The following FMO2 variants were observed in gnomAD, a reference collection of about 807,000 sequenced individuals.
FMO2 encodes the protein flavin containing dimethylaniline monoxygenase 2, also known as flavin-containing monooxygenase 2.
In FMO2, 33 loss-of-function variants were observed where a neutral mutation model predicts 41.6. The observed-to-expected ratio is 0.79, with a 90% CI of 0.60 to 1.06. The LOEUF (loss-of-function observed/expected upper bound fraction) is 1.06. FMO2 is among the 50% of genes least tolerant of loss of function. The probability of loss-of-function intolerance (pLI) is 0.00; values close to 1 mark genes in which losing one functional copy is unlikely to be tolerated. For missense variants in FMO2, 619 were observed against 632.9 expected, an observed-to-expected ratio of 0.98 and a Z score of 0.23; for synonymous variants, 214 against 219.6, an observed-to-expected ratio of 0.97 and a Z score of 0.23.
intron 2 of FMO2, among the ~76,000 whole-genome samples, chr1:171,191,566 A>T (rs1658083035): frequency 6.6e-6 from 1 of 152,160 alleles, no homozygotes; most frequent in East Asian, 1.9e-4. Context: ...CAATTGTTGC[A>T]TGTTTAAGTT....
chr1:171,190,963 TG>T (rs1165664844), intron 2 of FMO2, among the ~76,000 whole-genome samples: 1 of 151,990 alleles, frequency 6.6e-6, no homozygotes, highest in East Asian at 1.9e-4. Context: ...CTGACCAAAA[TG>T]GAGAAACCCC....
At chr1:171,201,932 T>C (rs1332770064) in intron 5 of FMO2, among the ~76,000 whole-genome samples, 5 of 152,308 alleles carry the variant, frequency 3.3e-5, no homozygotes, top group Admixed American at 1.3e-4. Context: ...TATCTCCACC[T>C]GGTCCTGCCC....
chr1:171,197,421 T>C (rs1022566294), intron 4 of FMO2, among the ~76,000 whole-genome samples: 4 of 152,136 alleles, frequency 2.6e-5, no homozygotes, highest in Non-Finnish European at 5.9e-5. Context: ...TCAAACACTA[T>C]GGAGTAGGGT....
chr1:171,199,253 C>A, intron 4 of FMO2, 93 bp from the exon 5 acceptor site: 2 of 1,270,800 alleles, frequency 1.6e-6, no homozygotes, highest in Non-Finnish European at 2.2e-6. Context: ...ATTATTAACT[C>A]CAGAAAGGAA....
chr1:171,199,674 C>T (rs1291133736), intron 5 of FMO2, among the ~76,000 whole-genome samples, 186 bp downstream of exon 5: 1 of 152,140 alleles, frequency 6.6e-6, no homozygotes, highest in African/African-American at 2.4e-5. Flanking sequence ...AATAACCAGC[C>T]ATGAATCCTA....
chr1:171,186,792 T>C (rs1406590719), intron 2 of FMO2, among the ~76,000 whole-genome samples: 1 of 152,186 alleles, frequency 6.6e-6, no homozygotes, highest in East Asian at 1.9e-4. Flanking sequence ...GTTACAATTA[T>C]TCCTTCCCAC....
At position 171,207,743 on chromosome 1, in the gene FMO2, A is replaced by T; in HGVS notation, c.1209A>T (p.Arg403Ser). 1 of 1,611,452 alleles carries T rather than the reference A, an allele frequency of 6.2e-7. No homozygotes were observed. The highest frequency in any genetic ancestry group is 1.1e-5 in the South Asian group (1 of 90,814). Residue 403 changes from arginine to serine, a missense_variant, in exon 8 of 9, where the codon AGA (arginine) becomes AGT (serine). Arg to Ser is a moderately radical substitution (Grantham distance 110, BLOSUM62 -1). Coordinates refer to ENST00000209929, the MANE Select transcript of FMO2 (RefSeq NM_001460.5). ...FKGLCSLPSE[R>S]TMMMDIIKRN... ...GCTTGTGTAGCCTGCCCTCAGAGAG[A>T]ACTATGATGATGGACATTATCAAAA...
intron 2 of FMO2, among the ~76,000 whole-genome samples, chr1:171,190,940 G>T (rs1658058725): frequency 6.6e-6 from 1 of 152,256 alleles, no homozygotes; most frequent in South Asian, 2.1e-4. Context: ...GAGGTCGGGA[G>T]TTCGAGACCA....
chr1:171,187,627 C>CAAAAA (rs765479366), intron 2 of FMO2, among the ~76,000 whole-genome samples: 1 of 82,612 alleles, frequency 1.2e-5, no homozygotes, highest in Non-Finnish European at 2.6e-5. Context: ...AACCTGCCAC[C>CAAAAA]AAAAAAAAAA....
At chr1:171,207,245 A>G (rs1488635817) in intron 7 of FMO2, among the ~76,000 whole-genome samples, 2 of 152,084 alleles carry the variant, frequency 1.3e-5, no homozygotes, top group South Asian at 4.2e-4. Flanking sequence ...CCCTACTCTC[A>G]TCTCTCACCA....
chr1:171,192,887 T>C (rs1319869733), intron 2 of FMO2, among the ~76,000 whole-genome samples: 2 of 151,952 alleles, frequency 1.3e-5, no homozygotes, highest in Non-Finnish European at 2.9e-5. Flanking sequence ...CCTCCAAAGG[T>C]ACTCATTTTA....
Position 171,199,387 on chromosome 1 carries a change from T to C in FMO2, c.526T>C (p.Tyr176His). ...FKGQYFHSRQ[Y>H]KHPDGFEGKR... Reference sequence around the variant, plus strand: ...AGGCCAATATTTCCATAGCCGCCAATACAAGCATCCAGATGGATTTGAGGG... The same window carrying C: ...AGGCCAATATTTCCATAGCCGCCAACACAAGCATCCAGATGGATTTGAGGG... Residue 176 changes from tyrosine (Y) to histidine (H), a missense_variant, in exon 5 of 9, where the codon TAC (tyrosine) becomes CAC (histidine). Transcript: ENST00000209929. The C allele has an allele frequency of 6.2e-7, 1 of 1,611,304 alleles. No homozygotes were observed. The highest frequency in any genetic ancestry group is 1.3e-5 in the African/African-American group (1 of 74,822).
intron 8 of FMO2, among the ~76,000 whole-genome samples, chr1:171,208,052 A>T (rs1658837332): frequency 6.6e-6 from 1 of 152,184 alleles, no homozygotes; most frequent in Admixed American, 6.5e-5. Context: ...CCTTGGCTTA[A>T]TTTCATTTCA....
In FMO2 at chr1:171,209,780, T is replaced by C. The variant is rs1231241302; in HGVS notation, c.*635T>C. Reference sequence around the variant, plus strand: ...ACTGCTGGAAAAATTAAAATTAAAATGCCATAATAGCTACCTAACAAATAT... The same window carrying C: ...ACTGCTGGAAAAATTAAAATTAAAACGCCATAATAGCTACCTAACAAATAT... On this transcript the variant is annotated 3_prime_UTR_variant, in exon 9 of 9. Coordinates refer to ENST00000209929, the MANE Select transcript of FMO2 (RefSeq NM_001460.5). The C allele has an allele frequency of 6.6e-6, 1 of 152,188 alleles. No homozygotes were observed. The highest frequency in any genetic ancestry group is 1.5e-5 in the Non-Finnish European group (1 of 68,022). 9.4% of individuals were successfully genotyped at this position (152,188 alleles called of 1,614,324 possible). A position where few individuals can be genotyped will look rare whatever the true frequency, so the allele number is the denominator to read the frequency against.
intron 5 of FMO2, among the ~76,000 whole-genome samples, chr1:171,202,185 A>C (rs1038083514): frequency 6.6e-6 from 1 of 152,192 alleles, no homozygotes; most frequent in Non-Finnish European, 1.5e-5. Flanking sequence ...AAAAGAGTGA[A>C]TCAAACGGGC....
intron 5 of FMO2, among the ~76,000 whole-genome samples, chr1:171,203,590 C>A (rs1396588180): frequency 6.6e-6 from 1 of 152,108 alleles, no homozygotes; most frequent in Non-Finnish European, 1.5e-5. Context: ...CAACTGTAAA[C>A]ATGGGAAAGA....
chr1:171,203,106 G>C (rs1370123621), intron 5 of FMO2, among the ~76,000 whole-genome samples: 2 of 152,066 alleles, frequency 1.3e-5, no homozygotes, highest in African/African-American at 4.8e-5. Context: ...ACTTTGGGAG[G>C]CTGCGGCAGG....
rs377228298 is a variant in FMO2 at position 171,185,665 on chromosome 1, G to A, written c.-6-43G>A. On this transcript the variant is annotated intron_variant, in intron 1 of 8. Transcript: ENST00000209929. ...GCACATCATAAGGATTCTCTTACCGGTTGTCCCAGTTAAGTAATGTTGATT... is the reference window on the plus strand; with the variant it reads ...GCACATCATAAGGATTCTCTTACCGATTGTCCCAGTTAAGTAATGTTGATT... The A allele has an allele frequency of 6.8e-6, 11 of 1,606,366 alleles. No homozygotes were observed. The African/African-American group carries it at 8.0e-5, about 12-fold the overall frequency.
At chr1:171,197,064 C>A (rs1658336906) in intron 4 of FMO2, among the ~76,000 whole-genome samples, 1 of 152,178 alleles carries the variant, frequency 6.6e-6, no homozygotes, top group South Asian at 2.1e-4. Flanking sequence ...TTAGAGAATT[C>A]ACATCAAACT....
Sources: allele counts gnomAD v4.1 joint callset (sites outside exome capture counted in the v4.1 genomes callset), GRCh38; gene constraint gnomAD v4.1.1; transcripts MANE v1.5; gene names NCBI Gene and HGNC (gene_info 2026-07-23, HGNC 2026-07-21).